SLCO4C1: variants seen among roughly 807,000 people sequenced by gnomAD.
SLCO4C1 encodes the protein solute carrier organic anion transporter family member 4C1.
Under a neutral mutation model 72.1 loss-of-function variants are expected in SLCO4C1, and 58 were observed. The observed-to-expected ratio is 0.80, with a 90% confidence interval of 0.65 to 1.00. SLCO4C1 has a LOEUF of 1.00. Ranked by LOEUF, SLCO4C1 falls within the 50% of genes least tolerant of loss-of-function variation. The pLI is 0.00. For missense variants in SLCO4C1, 898 were observed against 857.9 expected, an observed-to-expected ratio of 1.05 and a Z score of -0.58; for synonymous variants, 297 against 312.5, an observed-to-expected ratio of 0.95 and a Z score of 0.52.
intron 8 of SLCO4C1, among the ~76,000 whole-genome samples, chr5:102,256,494 C>A (rs1311633523): frequency 6.6e-6 from 1 of 152,174 alleles, no homozygotes; most frequent in African/African-American, 2.4e-5. Flanking sequence ...CACTGCTGTG[C>A]AACACCCTCC....
At chr5:102,240,681 G>T (rs1748522582) in intron 11 of SLCO4C1, 37 bp downstream of exon 11, 4 of 1,549,502 alleles carry the variant, frequency 2.6e-6, no homozygotes, top group Non-Finnish European at 3.5e-6. Context: ...AACCAAAATA[G>T]CCAACAGTTA....
At chr5:102,282,249 T>G (rs1749371815) in intron 2 of SLCO4C1, among the ~76,000 whole-genome samples, 1 of 152,038 alleles carries the variant, frequency 6.6e-6, no homozygotes, top group African/African-American at 2.4e-5. Flanking sequence ...TTTTTATATG[T>G]AAAAATTCAG....
rs1318970571 is a variant in SLCO4C1 at position 102,296,227 on chromosome 5, A to G, written c.36T>C (p.Phe12=). 1.9e-6 allele frequency: 3 copies of G among 1,571,208 alleles called. No homozygotes were observed. The highest frequency in any genetic ancestry group is 2.6e-6 in the Non-Finnish European group (3 of 1,160,378). The change falls in exon 1 of 13, where the codon TTT becomes TTC. Residue 12 remains phenylalanine (F), a synonymous_variant. Coordinates refer to ENST00000310954, the MANE Select transcript of SLCO4C1 (RefSeq NM_180991.5). ...KSAKGIENLA[F]VPSSPDILRR... is the part of the protein sequence containing the mutation. ...GCAGGATGTCTGGGCTGGAGGGGAC[A>G]AAAGCCAAGTTCTCAATACCTTTGG...
At chr5:102,281,338 A>G (rs1036411940) in intron 2 of SLCO4C1, among the ~76,000 whole-genome samples, 3 of 152,126 alleles carry the variant, frequency 2.0e-5, no homozygotes, top group African/African-American at 7.2e-5. Context: ...AAACTATAAA[A>G]CTTTTTTTAA....
intron 2 of SLCO4C1, among the ~76,000 whole-genome samples, chr5:102,277,477 C>T (rs1749266691): frequency 6.6e-6 from 1 of 152,102 alleles, no homozygotes; most frequent in South Asian, 2.1e-4. Flanking sequence ...TCAGAACTTA[C>T]ACTGTAGTCT....
intron 6 of SLCO4C1, 123 bp from the exon 7 acceptor site, chr5:102,258,210 C>A: frequency 1.5e-6 from 1 of 689,510 alleles, no homozygotes; most frequent in Non-Finnish European, 2.2e-6. Context: ...TCAGCATTTC[C>A]TCCAAAACAA....
intron 10 of SLCO4C1, among the ~76,000 whole-genome samples, chr5:102,245,539 C>A (rs911027472): frequency 2.6e-5 from 4 of 152,044 alleles, no homozygotes; most frequent in African/African-American, 9.7e-5. Context: ...CCCAGATATA[C>A]AAAGCAAATA....
chr5:102,268,409 T>A (rs1257178337), intron 3 of SLCO4C1, among the ~76,000 whole-genome samples: 2 of 152,162 alleles, frequency 1.3e-5, no homozygotes, highest in African/African-American at 4.8e-5. Flanking sequence ...CTAATTTAAA[T>A]ATAGCTACTG....
intron 10 of SLCO4C1, among the ~76,000 whole-genome samples, chr5:102,242,867 A>G (rs1364816104): frequency 6.6e-6 from 1 of 152,138 alleles, no homozygotes; most frequent in Non-Finnish European, 1.5e-5. Flanking sequence ...AGGTACCATC[A>G]CTGCCCCGGG....
intron 1 of SLCO4C1, 97 bp downstream of exon 1, chr5:102,295,811 C>T: frequency 7.9e-7 from 1 of 1,261,980 alleles, no homozygotes; most frequent in Non-Finnish European, 1.1e-6. Flanking sequence ...CGTCCACCGT[C>T]CCACGGACCC....
chr5:102,253,561 C>A (rs909313960), intron 8 of SLCO4C1, among the ~76,000 whole-genome samples: 1 of 152,034 alleles, frequency 6.6e-6, no homozygotes, highest in Non-Finnish European at 1.5e-5. Flanking sequence ...AATCCCAGCA[C>A]TTTGGGAGGC....
At chr5:102,295,845 C>T in intron 1 of SLCO4C1, 63 bp downstream of exon 1, 1 of 1,493,556 alleles carries the variant, frequency 6.7e-7, no homozygotes, top group Non-Finnish European at 9.0e-7. Context: ...TCTCCCCCGG[C>T]TGGCTCGCCG....
chr5:102,258,201 C>A, intron 6 of SLCO4C1, 114 bp from the exon 7 acceptor site: 1 of 812,998 alleles, frequency 1.2e-6, no homozygotes, highest in Non-Finnish European at 1.8e-6. Flanking sequence ...TGTAAAATTT[C>A]AGCATTTCCT....
intron 8 of SLCO4C1, among the ~76,000 whole-genome samples, chr5:102,255,741 C>G (rs909217201): frequency 2.0e-5 from 3 of 151,698 alleles, no homozygotes; most frequent in African/African-American, 7.3e-5. Flanking sequence ...GGATTCTAAT[C>G]AAATAAAATT....
At chr5:102,265,759 G>A (rs1056461500) in intron 3 of SLCO4C1, among the ~76,000 whole-genome samples, 49 of 152,162 alleles carry the variant, frequency 3.2e-4, no homozygotes, top group African/African-American at 1.1e-3. Context: ...TTTCGGTTTT[G>A]TTCTTTGTGC....
At chr5:102,270,184 A>T (rs1384629047) in intron 3 of SLCO4C1, among the ~76,000 whole-genome samples, 1 of 152,182 alleles carries the variant, frequency 6.6e-6, no homozygotes, top group African/African-American at 2.4e-5. Flanking sequence ...AGAGAAACTT[A>T]TGCTACCAGG....
chr5:102,241,440 G>C (rs552664780), intron 10 of SLCO4C1, among the ~76,000 whole-genome samples: 1 of 151,968 alleles, frequency 6.6e-6, no homozygotes, highest in East Asian at 1.9e-4. Context: ...ACAAAAATCA[G>C]CTGCACTTCT....
Position 102,249,744 on chromosome 5 carries a change from C to T in SLCO4C1, c.1514G>A (p.Cys505Tyr). 28 of 1,613,892 alleles carry T rather than the reference C, an allele frequency of 1.7e-5. No homozygotes were observed. The highest frequency in any genetic ancestry group is 2.4e-5 in the Non-Finnish European group (28 of 1,179,892). Residue 505 changes from cysteine to tyrosine, a missense_variant, in exon 9 of 13, where the codon TGT (cysteine) becomes TAT (tyrosine). Physicochemically the swap from Cys to Tyr is radical, Grantham distance 194 (BLOSUM62 -2). Coordinates refer to ENST00000310954, the MANE Select transcript of SLCO4C1 (RefSeq NM_180991.5). ...ATAATAATATGATCGCGAACAGTTA[C>T]AATTGGCATTACAAGGGGCTATCAA... is the stretch of plus-strand genomic sequence containing the variant. ...GNLIAPCNAN[C>Y]NCSRSYYYPV...
intron 2 of SLCO4C1, among the ~76,000 whole-genome samples, chr5:102,273,825 T>C (rs1049976211): frequency 1.4e-4 from 21 of 152,144 alleles, no homozygotes; most frequent in Non-Finnish European, 2.9e-4. Flanking sequence ...ACCTATTCAA[T>C]GAATTTTGTG....
Sources: allele counts gnomAD v4.1 joint callset (sites outside exome capture counted in the v4.1 genomes callset), GRCh38; gene constraint gnomAD v4.1.1; transcripts MANE v1.5; gene names NCBI Gene and HGNC (gene_info 2026-07-23, HGNC 2026-07-21).